EMP2: variants seen among roughly 807,000 people sequenced by gnomAD.
EMP2 encodes epithelial membrane protein 2.
In EMP2, 19 loss-of-function variants were observed where a neutral mutation model predicts 13.7. The ratio of observed to expected loss-of-function variants is 1.38; its 90% CI spans 0.97 to 2.03. The LOEUF (loss-of-function observed/expected upper bound fraction) is 2.03, where lower values mean the gene tolerates loss of function less well. Ranked by LOEUF, EMP2 falls within the 30% of genes most tolerant of loss-of-function variation. The pLI is 0.00. For synonymous variants in EMP2, 97 were observed against 84.7 expected (o/e 1.15, Z -0.80); for missense variants, 253 against 220.7 (o/e 1.15, Z -0.93).
chr16:10,536,155 G>A (rs2050645577), intron 4 of EMP2, among the ~76,000 whole-genome samples: 1 of 152,218 alleles, frequency 6.6e-6, no homozygotes, highest in Non-Finnish European at 1.5e-5. Context: ...CCAAGGGGAG[G>A]GGACGCTGAG....
chr16:10,562,360 CTCTCTCTCTCTCTCTCTCTCTATCTA>C (rs1314086150), intron 1 of EMP2, among the ~76,000 whole-genome samples: 31 of 150,432 alleles, frequency 2.1e-4, no homozygotes, highest in Non-Finnish European at 3.5e-4. Context: ...CTCTCTCTCT[CTCTCTCTCTCTCTCTCTCTCTATCTA>C]TCTCTCTCTC....
intron 1 of EMP2, among the ~76,000 whole-genome samples, chr16:10,579,917 C>T (rs892395605): frequency 2.0e-5 from 3 of 152,200 alleles, no homozygotes; most frequent in Non-Finnish European, 4.4e-5. Flanking sequence ...ATACACACTA[C>T]GAGCTGCAGC....
intron 1 of EMP2, among the ~76,000 whole-genome samples, chr16:10,558,031 G>GTTT (rs558044947): frequency 4.3e-5 from 6 of 139,556 alleles, no homozygotes; most frequent in African/African-American, 1.3e-4. Flanking sequence ...TGAGTTTCAA[G>GTTT]TTTTTTTTTT....
chr16:10,565,421 A>T (rs1287604930), intron 1 of EMP2, among the ~76,000 whole-genome samples: 2 of 152,188 alleles, frequency 1.3e-5, no homozygotes, highest in Non-Finnish European at 2.9e-5. Context: ...ACAAGAAGGA[A>T]TTCTGCCAGC....
intron 1 of EMP2, among the ~76,000 whole-genome samples, chr16:10,553,976 G>A (rs547048027): frequency 1.3e-5 from 2 of 151,872 alleles, no homozygotes; most frequent in African/African-American, 4.8e-5. Context: ...TTCATACTGT[G>A]TCAGCCCTGA....
chr16:10,560,984 T>C (rs2050867487), intron 1 of EMP2, among the ~76,000 whole-genome samples: 1 of 152,104 alleles, frequency 6.6e-6, no homozygotes, highest in Non-Finnish European at 1.5e-5. Flanking sequence ...CATGATCTGC[T>C]TCTAGAAGAA....
intron 1 of EMP2, among the ~76,000 whole-genome samples, chr16:10,577,166 C>G (rs1337179568): frequency 6.6e-6 from 1 of 152,192 alleles, no homozygotes; most frequent in African/African-American, 2.4e-5. Context: ...CTCTGAGTGT[C>G]CCTAGCTGTC....
Position 10,537,929 on chromosome 16 carries a change from T to G in EMP2, c.315A>C (p.Ser105=). The G allele has an allele frequency of 1.2e-6, 2 of 1,614,008 alleles. No individual in the cohort carries two copies. The highest frequency in any genetic ancestry group is 1.7e-6 in the Non-Finnish European group (2 of 1,179,952). Reference sequence around the variant, plus strand: ...AGGGAAGCCCGTTGATGTACTTACATGACATTAGCTGGATGATGGAGGTTA... The same window carrying G: ...AGGGAAGCCCGTTGATGTACTTACAGGACATTAGCTGGATGATGGAGGTTA... ...FVLTSIIQLM[S]CLCVMIAASI... Residue 105 remains serine (S), a splice_region_variant and synonymous_variant, in exon 4 of 5, where the codon TCA becomes TCC. Coordinates refer to ENST00000359543, the MANE Select transcript of EMP2 (RefSeq NM_001424.6).
chr16:10,560,415 G>A (rs543279348), intron 1 of EMP2, among the ~76,000 whole-genome samples: 2 of 152,328 alleles, frequency 1.3e-5, no homozygotes, highest in African/African-American at 2.4e-5. Context: ...CCACTTTGTG[G>A]GTGAGAAATC....
At chr16:10,535,476 C>T (rs1005691997) in intron 4 of EMP2, among the ~76,000 whole-genome samples, 1 of 152,196 alleles carries the variant, frequency 6.6e-6, no homozygotes. Flanking sequence ...GGCTCATGCT[C>T]GGAATCCCAA....
chr16:10,571,776 G>A (rs1355207366), intron 1 of EMP2, among the ~76,000 whole-genome samples: 1 of 152,212 alleles, frequency 6.6e-6, no homozygotes, highest in African/African-American at 2.4e-5. Context: ...ATGAAGAGAG[G>A]GGATGGATTC....
intron 3 of EMP2, among the ~76,000 whole-genome samples, chr16:10,541,729 T>C (rs2354412): frequency 0.44 from 66,167 of 151,910 alleles, 14,681 homozygotes; most frequent in Admixed American, 0.57. Context: ...TGGTTAAGGG[T>C]ACTGGCTTTA....
At chr16:10,551,060 AT>A (rs1397239660) in intron 1 of EMP2, among the ~76,000 whole-genome samples, 1 of 152,108 alleles carries the variant, frequency 6.6e-6, no homozygotes, top group Non-Finnish European at 1.5e-5. Context: ...TACATTCCCA[AT>A]ATTGTATATC....
intron 1 of EMP2, among the ~76,000 whole-genome samples, chr16:10,559,551 T>G (rs1297754709): frequency 6.6e-6 from 1 of 152,206 alleles, no homozygotes; most frequent in Non-Finnish European, 1.5e-5. Flanking sequence ...CAACCACAAT[T>G]TCAACAATAA....
chr16:10,541,222 G>A (rs1248505759), intron 3 of EMP2, among the ~76,000 whole-genome samples: 1 of 145,038 alleles, frequency 6.9e-6, no homozygotes, highest in Non-Finnish European at 1.5e-5. Flanking sequence ...GGGCAACACA[G>A]CAAGACCCTG....
At chr16:10,542,225 C>A (rs2354417) in intron 3 of EMP2, among the ~76,000 whole-genome samples, 63,275 of 151,870 alleles carry the variant, frequency 0.42, 13,451 homozygotes, top group East Asian at 0.55. Context: ...TGGTGAAACT[C>A]CATCTCTACA....
At chr16:10,553,715 T>C (rs1405342175) in intron 1 of EMP2, among the ~76,000 whole-genome samples, 4 of 152,254 alleles carry the variant, frequency 2.6e-5, no homozygotes, top group Non-Finnish European at 5.9e-5. Context: ...GGCTGCCTGG[T>C]GTTTTGTTGT....
intron 3 of EMP2, among the ~76,000 whole-genome samples, chr16:10,540,702 T>C (rs993907530): frequency 2.6e-5 from 4 of 152,132 alleles, no homozygotes; most frequent in African/African-American, 9.7e-5. Flanking sequence ...GCCCAGACTT[T>C]GATAACATCA....
At chr16:10,558,275 C>T (rs1486853010) in intron 1 of EMP2, among the ~76,000 whole-genome samples, 2 of 152,176 alleles carry the variant, frequency 1.3e-5, no homozygotes, top group Admixed American at 6.5e-5. Flanking sequence ...CATCCTCCCA[C>T]CTTGGCCTCC....
Sources: allele counts gnomAD v4.1 joint callset (sites outside exome capture counted in the v4.1 genomes callset), GRCh38; gene constraint gnomAD v4.1.1; transcripts MANE v1.5; gene names NCBI Gene and HGNC (gene_info 2026-07-23, HGNC 2026-07-21).